Variants in ANKRD13C observed in about 807,000 individuals in gnomAD.
ANKRD13C encodes the protein ankyrin repeat domain 13C.
In ANKRD13C, 16 loss-of-function variants were observed where a neutral mutation model predicts 65.5. The observed-to-expected ratio is 0.24, with a 90% confidence interval of 0.17 to 0.37. The LOEUF (loss-of-function observed/expected upper bound fraction) is 0.37. Among genes scored for constraint, ANKRD13C ranks in the 10% least tolerant of loss-of-function variants. ANKRD13C has a pLI of 1.00. For missense variants in ANKRD13C, 503 were observed against 655.9 expected (o/e 0.77, Z 2.55); for synonymous variants, 235 against 238.7 (o/e 0.98, Z 0.14).
chr1:70,281,384 T>C (rs1277531605), intron 9 of ANKRD13C, among the ~76,000 whole-genome samples: 1 of 150,080 alleles, frequency 6.7e-6, no homozygotes, highest in Non-Finnish European at 1.5e-5. Context: ...GGTGTTATCA[T>C]GTGACTAAAT....
At chr1:70,318,679 GTTTTTTTTT>G (rs11337993) in intron 3 of ANKRD13C, among the ~76,000 whole-genome samples, 5 of 94,210 alleles carry the variant, frequency 5.3e-5, no homozygotes, top group African/African-American at 2.1e-4. Flanking sequence ...ATCAATCTTT[GTTTTTTTTT>G]TTTTTTTTTT....
intron 7 of ANKRD13C, among the ~76,000 whole-genome samples, chr1:70,297,272 T>C (rs1293317869): frequency 6.8e-6 from 1 of 147,592 alleles, no homozygotes; most frequent in Non-Finnish European, 1.5e-5. Context: ...TTAACCTACA[T>C]AGAGTCCCTT....
intron 12 of ANKRD13C, among the ~76,000 whole-genome samples, chr1:70,265,368 A>G (rs1313138933): frequency 6.6e-6 from 1 of 152,230 alleles, no homozygotes; most frequent in Admixed American, 6.5e-5. Context: ...AAATAAGAAA[A>G]GTCAAATCTT....
At chr1:70,279,468 T>C (rs1268672558) in intron 9 of ANKRD13C, among the ~76,000 whole-genome samples, 2 of 150,966 alleles carry the variant, frequency 1.3e-5, no homozygotes, top group Non-Finnish European at 3.0e-5. Flanking sequence ...AGATGCTATA[T>C]AAGTAGAGTT....
At chr1:70,325,459 A>G (rs997797794) in intron 2 of ANKRD13C, among the ~76,000 whole-genome samples, 1 of 152,250 alleles carries the variant, frequency 6.6e-6, no homozygotes, top group Non-Finnish European at 1.5e-5. Flanking sequence ...GTTTGGAAAA[A>G]TGTTCAGAAA....
At chr1:70,282,858 T>C (rs1401717228) in intron 9 of ANKRD13C, among the ~76,000 whole-genome samples, 2 of 152,186 alleles carry the variant, frequency 1.3e-5, no homozygotes, top group Non-Finnish European at 1.5e-5. Flanking sequence ...TATCTATTAA[T>C]ATTTTAAATA....
rs1386974964 is a variant in ANKRD13C at position 70,299,709 on chromosome 1, C to A, written c.921+1055G>T. ...ACATCATTCTTCAAAAGAGGAAAAACAGGAAAAAGAGCAGGTTTGGAGGAA... is the reference window on the plus strand; with the variant it reads ...ACATCATTCTTCAAAAGAGGAAAAAAAGGAAAAAGAGCAGGTTTGGAGGAA... On this transcript the variant is annotated intron_variant, in intron 7 of 12. Coordinates refer to ENST00000370944, the MANE Select transcript of ANKRD13C (RefSeq NM_030816.5). 3.3e-5 allele frequency among the ~76,000 whole-genome samples: 5 copies of A among 152,044 alleles called. No homozygotes were observed. The South Asian group carries it at 6.2e-4, about 19-fold the overall frequency.
chr1:70,268,918 T>C (rs1159287519), intron 12 of ANKRD13C, among the ~76,000 whole-genome samples: 2 of 152,254 alleles, frequency 1.3e-5, no homozygotes, highest in African/African-American at 4.8e-5. Flanking sequence ...CTTTAAGTTT[T>C]AGGGTACATG....
chr1:70,354,347 T>TC lies in ANKRD13C; in HGVS notation c.61dup (p.Asp21GlyfsTer8). On this transcript the variant is annotated frameshift_variant, in exon 1 of 13. Coordinates refer to ENST00000370944, the MANE Select transcript of ANKRD13C (RefSeq NM_030816.5). LOFTEE classifies it high-confidence loss of function. The stretch of plus-strand genomic sequence containing the variant: ...TTCCTCATCCCCGGGCTCCAGCAGG[T>TC]CCCCTTCTTCTTTGCTGGGCTTGTG... The TC allele has an allele frequency of 1.2e-6, 2 of 1,613,954 alleles. No homozygotes were observed. Among genetic ancestry groups the TC allele is most frequent in the Non-Finnish European group, 1.7e-6 (2 of 1,179,990 alleles).
chr1:70,335,634 A>C (rs970755999), intron 2 of ANKRD13C, among the ~76,000 whole-genome samples: 1 of 150,910 alleles, frequency 6.6e-6, no homozygotes, highest in Non-Finnish European at 1.5e-5. Context: ...ATAAATACTT[A>C]ATAAACAAGT....
chr1:70,297,414 C>T (rs187379287), intron 7 of ANKRD13C, among the ~76,000 whole-genome samples: 10 of 150,472 alleles, frequency 6.6e-5, no homozygotes, highest in Admixed American at 4.0e-4. Flanking sequence ...CTGCCTCAGC[C>T]TCCTGAGTAG....
chr1:70,319,125 G>C (rs1681198168), intron 3 of ANKRD13C, among the ~76,000 whole-genome samples: 1 of 152,112 alleles, frequency 6.6e-6, no homozygotes, highest in African/African-American at 2.4e-5. Context: ...TAATTAGAAA[G>C]TCTTTTCACT....
In ANKRD13C at chr1:70,344,536, G is replaced by A. The variant is rs1682449254; in HGVS notation, c.431-8437C>T. On this transcript the variant is annotated intron_variant, in intron 1 of 12. Coordinates refer to ENST00000370944, the MANE Select transcript of ANKRD13C (RefSeq NM_030816.5). Reference sequence around the variant, plus strand: ...TTAATGGGTATCTATTAAATGTGTTGGGCACTATGCTGTATATTTCTGATA... The same window carrying A: ...TTAATGGGTATCTATTAAATGTGTTAGGCACTATGCTGTATATTTCTGATA... Among the ~76,000 whole-genome samples, 3 of 151,546 alleles carry A rather than the reference G, an allele frequency of 2.0e-5. No homozygotes were observed. The South Asian group carries it at 6.3e-4, about 32-fold the overall frequency.
chr1:70,328,855 A>C (rs1434072355), intron 2 of ANKRD13C, among the ~76,000 whole-genome samples: 1 of 152,194 alleles, frequency 6.6e-6, no homozygotes, highest in Admixed American at 6.5e-5. Flanking sequence ...GATAAAAAGA[A>C]ATTTTTTTTA....
intron 9 of ANKRD13C, among the ~76,000 whole-genome samples, chr1:70,280,868 A>C (rs943235880): frequency 5.9e-5 from 9 of 152,186 alleles, no homozygotes; most frequent in Non-Finnish European, 1.0e-4. Context: ...TCAGTAATCC[A>C]AATGAGAAAT....
At chr1:70,281,855 T>C (rs1158709092) in intron 9 of ANKRD13C, among the ~76,000 whole-genome samples, 1 of 151,144 alleles carries the variant, frequency 6.6e-6, no homozygotes, top group African/African-American at 2.4e-5. Context: ...GACACCAGCC[T>C]GGCCAACATG....
At chr1:70,326,099 C>T (rs1406740613) in intron 2 of ANKRD13C, among the ~76,000 whole-genome samples, 3 of 148,662 alleles carry the variant, frequency 2.0e-5, no homozygotes, top group Non-Finnish European at 3.0e-5. Flanking sequence ...AGCATGGTGG[C>T]GCATGACTGT....
intron 7 of ANKRD13C, among the ~76,000 whole-genome samples, chr1:70,297,637 C>T (rs1315019913): frequency 2.7e-5 from 4 of 147,390 alleles, no homozygotes; most frequent in South Asian, 2.2e-4. Context: ...CATTGGCGAC[C>T]GGGCTAGGTG....
intron 5 of ANKRD13C, among the ~76,000 whole-genome samples, chr1:70,311,796 GCTAA>G (rs755603386): frequency 7.2e-5 from 11 of 152,036 alleles, no homozygotes; most frequent in Non-Finnish European, 1.2e-4. Context: ...ATTAGTCAAA[GCTAA>G]CTAAAAAGCA....
Sources: gnomAD v4.1 joint callset for allele counts (sites outside exome capture counted in the v4.1 genomes callset) on GRCh38, gnomAD v4.1.1 for gene constraint, MANE v1.5 for transcripts, NCBI Gene and HGNC (gene_info 2026-07-23, HGNC 2026-07-21) for gene names.